NRDC: variants seen among roughly 807,000 people sequenced by gnomAD.
NRDC encodes nardilysin convertase.
Under a neutral mutation model 147.1 loss-of-function variants are expected in NRDC, and 54 were observed. The ratio of observed to expected loss-of-function variants is 0.37; its 90% CI spans 0.29 to 0.46. The LOEUF is 0.46. Among genes scored for constraint, NRDC ranks in the 20% least tolerant of loss-of-function variants. The probability of loss-of-function intolerance (pLI) is 1.00; values close to 1 mark genes in which losing one functional copy is unlikely to be tolerated. For missense variants in NRDC, 1,082 were observed against 1,370.6 expected (o/e 0.79, Z 3.33); for synonymous variants, 440 against 482.1 (o/e 0.91, Z 1.14).
In NRDC at chr1:51,790,561, T is replaced by A; in HGVS notation, c.3140A>T (p.Gln1047Leu). 1.2e-6 allele frequency: 2 copies of A among 1,613,740 alleles called. No homozygotes were observed. Among genetic ancestry groups the A allele is most frequent in the Non-Finnish European group, 1.7e-6 (2 of 1,179,616 alleles). ...GTGGGCAAGGCGGTCAAAGAGGTACTGCTGTGTAACCACTTCATTCCAGTT... is the reference window on the plus strand; with the variant it reads ...GTGGGCAAGGCGGTCAAAGAGGTACAGCTGTGTAACCACTTCATTCCAGTT... The part of the protein sequence containing the change: ...DRNWNEVVTQ[Q>L]YLFDRLAHEI... The change falls in exon 29 of 31, where the codon CAG (glutamine) becomes CTG (leucine). Residue 1047 changes from glutamine to leucine, a missense_variant. By Grantham distance (113) the Gln-to-Leu change is moderately radical (BLOSUM62 -2). Coordinates refer to ENST00000352171, the MANE Select transcript of NRDC (RefSeq NM_001101662.2).
chr1:51,840,659 T>C (rs564561163), intron 1 of NRDC, 145 bp from the exon 2 acceptor site: 7 of 625,804 alleles, frequency 1.1e-5, no homozygotes, highest in African/African-American at 3.7e-5. Flanking sequence ...ACTAATAAAA[T>C]TGGTTGCTCT....
chr1:51,790,725 GC>G, intron 28 of NRDC, 76 bp from the exon 29 acceptor site: 1 of 1,119,672 alleles, frequency 8.9e-7, no homozygotes, highest in Non-Finnish European at 1.4e-6. Flanking sequence ...GCCCTGTCCA[GC>G]CCGGCTTGTG....
At chr1:51,845,878 C>T (rs140064928) in intron 1 of NRDC, among the ~76,000 whole-genome samples, 3,380 of 151,874 alleles carry the variant, frequency 0.022, 113 homozygotes, top group African/African-American at 0.078. Flanking sequence ...AGAATGTTAA[C>T]GCCTGGAGGG....
In NRDC at chr1:51,840,217, G is replaced by A. The variant is rs1356679347; in HGVS notation, c.630+9C>T. 5.1e-6 allele frequency: 8 copies of A among 1,582,414 alleles called. No homozygotes were observed. Among genetic ancestry groups the A allele is most frequent in the Non-Finnish European group, 6.9e-6 (8 of 1,167,162 alleles). ...TCCCAAATTAGAAGAAAACAGACAT[G>A]ACTCGCACCTGTTTTTCAGTAGTTT... On this transcript the variant is annotated intron_variant, in intron 2 of 30. Transcript: ENST00000352171.
chr1:51,874,602 C>G (rs1164124559), intron 1 of NRDC, among the ~76,000 whole-genome samples: 1 of 152,032 alleles, frequency 6.6e-6, no homozygotes, highest in Non-Finnish European at 1.5e-5. Flanking sequence ...AAGTGAGACC[C>G]TGCCTCAAAA....
intron 1 of NRDC, among the ~76,000 whole-genome samples, chr1:51,846,503 G>A (rs572186778): frequency 6.6e-6 from 1 of 152,316 alleles, no homozygotes; most frequent in South Asian, 2.1e-4. Context: ...ATGAAGCCGC[G>A]GAGCCCCGCG....
At chr1:51,794,301 A>G (rs1678783941) in intron 24 of NRDC, among the ~76,000 whole-genome samples, 171 bp downstream of exon 24, 2 of 152,232 alleles carry the variant, frequency 1.3e-5, no homozygotes, top group Admixed American at 1.3e-4. Context: ...CTGTGATTGA[A>G]AAAGGATCCA....
At chr1:51,868,839 C>T (rs1270967715) in intron 1 of NRDC, among the ~76,000 whole-genome samples, 1 of 152,146 alleles carries the variant, frequency 6.6e-6, no homozygotes, top group Non-Finnish European at 1.5e-5. Context: ...CACCACTGCA[C>T]TGCATCCTGA....
chr1:51,798,490 A>G, intron 21 of NRDC, 79 bp from the exon 22 acceptor site: 1 of 1,209,260 alleles, frequency 8.3e-7, no homozygotes, highest in South Asian at 1.5e-5. Context: ...TGTTTGGTCA[A>G]AGTTCTATAA....
intron 20 of NRDC, 115 bp downstream of exon 20, chr1:51,803,699 A>T: frequency 1.3e-6 from 1 of 787,914 alleles, no homozygotes; most frequent in Non-Finnish European, 2.0e-6. Context: ...AGAATATTCA[A>T]GATAATCCAC....
intron 1 of NRDC, among the ~76,000 whole-genome samples, chr1:51,844,680 G>A (rs1681446699): frequency 6.6e-6 from 1 of 150,688 alleles, no homozygotes; most frequent in African/African-American, 2.4e-5. Flanking sequence ...GGAGGCGAAG[G>A]CTGCAGTGAG....
In NRDC at chr1:51,840,424, T is replaced by A; in HGVS notation, c.432A>T (p.Glu144Asp). ...CTTCTTCCTCCACCTCCTCTTCTTC[T>A]TCATCATCTGTTGTATTTCCTGTTT... The part of the protein sequence containing the change: ...EGKTGNTTDD[E>D]EEEEVEEEEE... Residue 144 changes from glutamate to aspartate, a missense_variant, in exon 2 of 31, where the codon GAA becomes GAT. Physicochemically the swap from Glu to Asp is conservative, Grantham distance 45. This residue lies in a region of NRDC where 260 missense variants were observed against 253.2 expected (regional missense o/e 1.03). Transcript: ENST00000352171. 6.2e-7 allele frequency: 1 copy of A among 1,605,528 alleles called. No individual in the cohort carries two copies. The highest frequency in any genetic ancestry group is 8.5e-7 in the Non-Finnish European group (1 of 1,172,412).
rs577058293 is a variant in NRDC, at chr1:51,832,511, AAT to A, written c.866+1504_866+1505del. 1.1e-4 allele frequency among the ~76,000 whole-genome samples: 16 copies of A among 152,350 alleles called. No homozygotes were observed. In the East Asian group the frequency reaches 3.1e-3, roughly 29 times the overall value. On this transcript the variant is annotated intron_variant, in intron 4 of 30. Coordinates refer to ENST00000352171, the MANE Select transcript of NRDC (RefSeq NM_001101662.2). ...TTGATTTGCAGATGTATCAACAAAAAATAGATAAAAATTCCTGCTCTGAAGGA... is the reference window on the plus strand; with the variant it reads ...TTGATTTGCAGATGTATCAACAAAAAAGATAAAAATTCCTGCTCTGAAGGA...
chr1:51,789,529 A>G (rs755149392), intron 30 of NRDC, 39 bp downstream of exon 30: 1 of 1,592,214 alleles, frequency 6.3e-7, no homozygotes, highest in South Asian at 1.1e-5. Context: ...TCAGTAAATG[A>G]CAACCCTAGA....
intron 1 of NRDC, among the ~76,000 whole-genome samples, chr1:51,841,648 T>C (rs1236777400): frequency 1.3e-5 from 2 of 152,188 alleles, no homozygotes; most frequent in East Asian, 3.8e-4. Context: ...CAATAAACAT[T>C]TATTTAGCAC....
In NRDC at chr1:51,866,413, C is replaced by T. The variant is rs111819848; in HGVS notation, c.341+11862G>A. On this transcript the variant is annotated intron_variant, in intron 1 of 30. Transcript: ENST00000352171. ...GTCATTTCACTTATAGGTATCATTT[C>T]ACTCATAGGTATGTGCCCTAGATAA... 8.9e-3 allele frequency among the ~76,000 whole-genome samples: 1,360 copies of T among 152,166 alleles called. 9 individuals are homozygous for T. The highest frequency in any genetic ancestry group is 0.026 in the South Asian group (127 of 4,828).
chr1:51,811,964 AGTAAGTTTTAGAC>A lies in NRDC; in HGVS notation c.1779+17_1779+29del. 1 of 1,449,374 alleles carries A rather than the reference AGTAAGTTTTAGAC, an allele frequency of 6.9e-7. No individual in the cohort carries two copies. The highest frequency in any genetic ancestry group is 1.4e-5 in the African/African-American group (1 of 71,678). 89.8% of individuals were successfully genotyped at this position (1,449,374 alleles called of 1,614,324 possible). A position where few individuals can be genotyped will look rare whatever the true frequency, so the allele number is the denominator to read the frequency against. The stretch of plus-strand genomic sequence containing the variant: ...TTTCTCACCCTCCTCTTCCCCTAAA[AGTAAGTTTTAGAC>A]GTATAAACCTCCTTACTTCTGGCTT... On this transcript the variant is annotated intron_variant, in intron 15 of 30. Transcript: ENST00000352171.
intron 1 of NRDC, among the ~76,000 whole-genome samples, chr1:51,843,787 G>T (rs186119599): frequency 2.0e-5 from 3 of 151,578 alleles, no homozygotes; most frequent in African/African-American, 7.3e-5. Flanking sequence ...ATTCTAAGAT[G>T]AATCTCAGAG....
At chr1:51,808,465 T>TA (rs1233598524) in intron 17 of NRDC, among the ~76,000 whole-genome samples, 1 of 152,260 alleles carries the variant, frequency 6.6e-6, no homozygotes, top group Admixed American at 6.5e-5. Flanking sequence ...TATGTATCAG[T>TA]ACTACACTTT....
Sources: allele counts gnomAD v4.1 joint callset (sites outside exome capture counted in the v4.1 genomes callset), GRCh38; gene constraint gnomAD v4.1.1; regional missense constraint gnomAD v4.1.1; transcripts MANE v1.5; gene names NCBI Gene and HGNC (gene_info 2026-07-23, HGNC 2026-07-21).